The following BBX variants were observed in gnomAD, a reference collection of about 807,000 sequenced individuals.
BBX encodes HMG box transcription factor BBX.
In BBX, 30 loss-of-function variants were observed where a neutral mutation model predicts 100.2. The ratio of observed to expected loss-of-function variants is 0.30; its 90% CI spans 0.22 to 0.41. The LOEUF is 0.41. BBX is among the 10% of genes least tolerant of loss of function. BBX has a pLI of 1.00. For missense variants in BBX, 1,023 were observed against 1,129.8 expected (o/e 0.91, Z 1.35); for synonymous variants, 376 against 388.1 (o/e 0.97, Z 0.37).
chr3:107,568,540 T>G (rs910247170), intron 2 of BBX, among the ~76,000 whole-genome samples: 1 of 152,190 alleles, frequency 6.6e-6, no homozygotes, highest in East Asian at 1.9e-4. Flanking sequence ...ATTACAGGCA[T>G]GAGCCACTGC....
intron 2 of BBX, among the ~76,000 whole-genome samples, chr3:107,602,647 G>A (rs1172007286): frequency 6.6e-6 from 1 of 152,212 alleles, no homozygotes; most frequent in Non-Finnish European, 1.5e-5. Context: ...GGATGACATT[G>A]AGGGATTCAA....
At chr3:107,743,167 A>G (rs942249592) in intron 7 of BBX, among the ~76,000 whole-genome samples, 1 of 152,188 alleles carries the variant, frequency 6.6e-6, no homozygotes. Flanking sequence ...TAATTTTCAA[A>G]AAGTCCTAAG....
chr3:107,797,358 A>ATATATATATATATATATATATATT (rs2069812755), intron 15 of BBX, among the ~76,000 whole-genome samples: 1 of 128,698 alleles, frequency 7.8e-6, no homozygotes, highest in African/African-American at 2.9e-5. Context: ...ATATATATAT[A>ATATATATATATATATATATATATT]TATATAGCTT....
chr3:107,756,339 G>T (rs1012865053), intron 10 of BBX, among the ~76,000 whole-genome samples: 7 of 152,110 alleles, frequency 4.6e-5, no homozygotes, highest in Non-Finnish European at 1.0e-4. Flanking sequence ...ACATGCAGAA[G>T]AAATGTTTTC....
At chr3:107,703,130 A>G (rs1020443183) in intron 3 of BBX, among the ~76,000 whole-genome samples, 1 of 152,242 alleles carries the variant, frequency 6.6e-6, no homozygotes, top group Non-Finnish European at 1.5e-5. Context: ...TAATAAGTGC[A>G]TATAATAAAA....
chr3:107,652,463 T>G (rs2057896136), intron 3 of BBX, among the ~76,000 whole-genome samples: 1 of 152,240 alleles, frequency 6.6e-6, no homozygotes, highest in African/African-American at 2.4e-5. Context: ...GTAATTGTTT[T>G]GTCCACTTTT....
intron 5 of BBX, among the ~76,000 whole-genome samples, chr3:107,725,097 G>T (rs1396023036): frequency 6.6e-6 from 1 of 152,164 alleles, no homozygotes; most frequent in African/African-American, 2.4e-5. Context: ...GCAGTGATTT[G>T]TAGTTCTCCT....
chr3:107,565,788 T>G (rs558463158), intron 2 of BBX, among the ~76,000 whole-genome samples: 6 of 151,758 alleles, frequency 4.0e-5, no homozygotes, highest in African/African-American at 1.2e-4. Flanking sequence ...TTTTTTTGAA[T>G]GTGTATGTGT....
chr3:107,695,531 T>A (rs999354660), intron 3 of BBX, among the ~76,000 whole-genome samples: 1 of 147,562 alleles, frequency 6.8e-6, no homozygotes, highest in East Asian at 2.0e-4. Context: ...AATCCTGAAT[T>A]CTAGTTTGAT....
At chr3:107,703,022 G>C (rs577388666) in intron 3 of BBX, among the ~76,000 whole-genome samples, 1 of 152,150 alleles carries the variant, frequency 6.6e-6, no homozygotes. Flanking sequence ...ATACGTATGT[G>C]TTCAGCTGCA....
intron 3 of BBX, among the ~76,000 whole-genome samples, chr3:107,647,460 A>ACTATAATTT (rs1267147100): frequency 6.6e-6 from 1 of 152,220 alleles, no homozygotes; most frequent in Non-Finnish European, 1.5e-5. Context: ...TGTTTTATTG[A>ACTATAATTT]CTATAAGCAG....
At chr3:107,526,701 G>C (rs1032257474) in intron 2 of BBX, 1 of 195,464 alleles carries the variant, frequency 5.1e-6, no homozygotes, top group Admixed American at 6.0e-5. Context: ...TGAAGGTCTA[G>C]TAAATTTAAT....
At chr3:107,604,293 G>C (rs1045092850) in intron 2 of BBX, among the ~76,000 whole-genome samples, 3 of 152,028 alleles carry the variant, frequency 2.0e-5, no homozygotes, top group African/African-American at 7.3e-5. Context: ...TGTCCTCTTA[G>C]GTCGGAACTC....
rs1442105659 is a variant in BBX, at chr3:107,754,064, T to C, written c.826-1534T>C. On this transcript the variant is annotated intron_variant, in intron 9 of 17. Coordinates refer to ENST00000325805, the MANE Select transcript of BBX (RefSeq NM_001142568.3). ...CATAATTGCGGGCAGGTATTACTGT[T>C]CATATTTTGAAGGTAAGGTAAATGA... Among the ~76,000 whole-genome samples, 3 of 152,204 alleles carry C rather than the reference T, an allele frequency of 2.0e-5. No individual in the cohort carries two copies. The East Asian group carries it at 5.8e-4, about 29-fold the overall frequency.
intron 5 of BBX, among the ~76,000 whole-genome samples, chr3:107,722,080 A>G (rs958016756): frequency 2.0e-4 from 31 of 151,978 alleles, no homozygotes; most frequent in African/African-American, 7.2e-4. Context: ...CATTTGCCCA[A>G]TTTGGCCAAT....
In BBX at chr3:107,806,729, C is replaced by T. The variant is rs2071090057; in HGVS notation, c.*1272C>T. 6.6e-6 allele frequency: 1 copy of T among 152,238 alleles called. No homozygotes were observed. The highest frequency in any genetic ancestry group is 1.5e-5 in the Non-Finnish European group (1 of 68,036). The allele number at this position is 152,238 out of a possible 1,614,324, so 9.4% of individuals were successfully genotyped here. ...AACATTCAACATATTGACTTAACCA[C>T]CTGACATTCACAGTGTCTTGTTTCC... is the stretch of plus-strand genomic sequence containing the variant. On this transcript the variant is annotated 3_prime_UTR_variant, in exon 18 of 18. Transcript: ENST00000325805.
intron 2 of BBX, among the ~76,000 whole-genome samples, chr3:107,548,725 C>T (rs562485894): frequency 1.3e-5 from 2 of 152,188 alleles, no homozygotes; most frequent in South Asian, 2.1e-4. Context: ...ATAGCAAAGA[C>T]GTGGAATCAA....
chr3:107,598,605 A>G (rs1347971329), intron 2 of BBX, among the ~76,000 whole-genome samples: 1 of 152,238 alleles, frequency 6.6e-6, no homozygotes, highest in Non-Finnish European at 1.5e-5. Flanking sequence ...GACTGCAGAT[A>G]TAATTTATAT....
chr3:107,663,238 A>C (rs1472962392), intron 3 of BBX, among the ~76,000 whole-genome samples: 1 of 152,202 alleles, frequency 6.6e-6, no homozygotes, highest in Non-Finnish European at 1.5e-5. Flanking sequence ...GTTTGTGGCT[A>C]TAGTCAGCAC....
Sources: gnomAD v4.1 joint callset for allele counts (sites outside exome capture counted in the v4.1 genomes callset) on GRCh38, gnomAD v4.1.1 for gene constraint, MANE v1.5 for transcripts, NCBI Gene and HGNC (gene_info 2026-07-23, HGNC 2026-07-21) for gene names.